FGF13: variants seen among roughly 807,000 people sequenced by gnomAD.
The protein encoded by FGF13 is fibroblast growth factor 13.
In FGF13, 2 loss-of-function variants were observed where a neutral mutation model predicts 19.5. That is an observed-to-expected ratio of 0.10 (90% CI 0.04 to 0.32). FGF13 has a LOEUF of 0.32. Among genes scored for constraint, FGF13 ranks in the 10% least tolerant of loss-of-function variants. The pLI, the probability that FGF13 is intolerant of heterozygous loss-of-function variation, is 1.00. For synonymous variants in FGF13, 72 were observed against 76.9 expected (o/e 0.94, Z 0.33); for missense variants, 113 against 192.7 (o/e 0.59, Z 2.45).
chrX:138,927,573 C>T (rs1364732020), intron 1 of FGF13, among the ~76,000 whole-genome samples: 1 of 112,408 alleles, frequency 8.9e-6, no homozygotes, highest in Non-Finnish European at 1.9e-5. Context: ...CTAATTTCTT[C>T]TTGAATTCCC....
At chrX:138,980,787 T>A (rs1256556895) in intron 1 of FGF13, among the ~76,000 whole-genome samples, 1 of 110,072 alleles carries the variant, frequency 9.1e-6, no homozygotes, top group Admixed American at 9.7e-5. Context: ...AGGGTTTGCT[T>A]GTAGATGCCC....
In FGF13 at chrX:138,630,558, T is replaced by G. The variant is rs1346113924; in HGVS notation, c.*2292A>C. On this transcript the variant is annotated 3_prime_UTR_variant, in exon 5 of 5. Coordinates refer to ENST00000315930, the MANE Select transcript of FGF13 (RefSeq NM_004114.5). ...GATGAAGCAGGATGAGGAGGACTTA[T>G]CTCATGAAATTACAAGGTGACTTAG... 2 of 109,619 alleles carry G rather than the reference T, an allele frequency of 1.8e-5. No homozygotes were observed. The highest frequency in any genetic ancestry group is 4.0e-4 in the South Asian group (1 of 2,483). The allele number at this position is 109,619 out of a possible 1,213,427, so 9.0% of individuals were successfully genotyped here.
At chrX:138,986,547 A>T (rs1195421128) in intron 1 of FGF13, among the ~76,000 whole-genome samples, 1 of 111,960 alleles carries the variant, frequency 8.9e-6, no homozygotes, top group Non-Finnish European at 1.9e-5. Flanking sequence ...TTTTCCCACA[A>T]AATGGCAACA....
At chrX:138,960,803 C>A (rs757882763) in intron 1 of FGF13, among the ~76,000 whole-genome samples, 1 of 111,889 alleles carries the variant, frequency 8.9e-6, no homozygotes, top group South Asian at 3.8e-4. Flanking sequence ...ATCGAATCAG[C>A]TACTGAAGCT....
At chrX:138,813,984 A>T (rs2090943959) in intron 3 of FGF13, among the ~76,000 whole-genome samples, 1 of 110,368 alleles carries the variant, frequency 9.1e-6, no homozygotes, top group South Asian at 3.8e-4. Flanking sequence ...ACATATGCAC[A>T]TGTTCTGCTT....
chrX:138,772,018 G>GTGTATATATA (rs1271115343), intron 3 of FGF13, among the ~76,000 whole-genome samples: 7 of 56,520 alleles, frequency 1.2e-4, no homozygotes, highest in African/African-American at 3.4e-4. Context: ...ATACATATGT[G>GTGTATATATA]TATATATATA....
intron 1 of FGF13, among the ~76,000 whole-genome samples, chrX:138,886,407 T>G (rs2091451982): frequency 8.9e-6 from 1 of 112,619 alleles, no homozygotes; most frequent in South Asian, 3.6e-4. Context: ...GGAGTCAGTC[T>G]TTTGAATCTG....
chrX:138,805,587 A>G (rs2090860381), intron 3 of FGF13, among the ~76,000 whole-genome samples: 1 of 112,041 alleles, frequency 8.9e-6, no homozygotes, highest in Non-Finnish European at 1.9e-5. Flanking sequence ...TTGGAATGAG[A>G]AACAAAAATT....
At chrX:139,067,494 C>T (rs1170737373) in intron 1 of FGF13, among the ~76,000 whole-genome samples, 1 of 111,505 alleles carries the variant, frequency 9.0e-6, no homozygotes, top group Non-Finnish European at 1.9e-5. Context: ...CAATAATAGA[C>T]AAACAGAGAG....
In FGF13 at chrX:138,753,508, G is replaced by A. The variant is rs978683648; in HGVS notation, c.218-44580C>T. Among the ~76,000 whole-genome samples the A allele has an allele frequency of 4.5e-5, 5 of 111,975 alleles. No homozygotes were observed. The Admixed American group carries it at 4.7e-4, about 11-fold the overall frequency. On this transcript the variant is annotated intron_variant, in intron 3 of 6. Transcript: ENST00000436198. ...TACCTTATCAGTGTACTGGAGTTCT[G>A]AAAGAGACTAATTCAGTTGAAAATA...
chrX:138,767,524 G>A (rs2090511120), intron 3 of FGF13, among the ~76,000 whole-genome samples: 1 of 111,799 alleles, frequency 8.9e-6, no homozygotes, highest in African/African-American at 3.3e-5. Context: ...ATCATCAGTA[G>A]TAACTGATGT....
chrX:139,006,221 C>T (rs77853287), intron 1 of FGF13, among the ~76,000 whole-genome samples: 3 of 111,409 alleles, frequency 2.7e-5, no homozygotes, highest in Non-Finnish European at 5.7e-5. Flanking sequence ...AGCTCCAATA[C>T]GTCTGGCAGC....
Position 139,014,486 on chromosome X carries a change from C to G in FGF13, c.-112-149836G>C, listed in dbSNP as rs747178229. ...ACTATATTCCAATAAATTGGAAAAT[C>G]TAGAATAAATGAATCAATTCCTAGA... On this transcript the variant is annotated intron_variant, in intron 1 of 2. Coordinates refer to the FGF13 transcript ENST00000421460. Among the ~76,000 whole-genome samples the G allele has an allele frequency of 1.3e-4, 14 of 111,189 alleles. No individual in the cohort carries two copies. The South Asian group carries it at 4.5e-3, about 35-fold the overall frequency.
At chrX:139,027,124 C>A (rs1294498662) in intron 1 of FGF13, among the ~76,000 whole-genome samples, 1 of 112,027 alleles carries the variant, frequency 8.9e-6, no homozygotes, top group Non-Finnish European at 1.9e-5. Flanking sequence ...TACACATATC[C>A]ATTGCATCTC....
intron 1 of FGF13, among the ~76,000 whole-genome samples, chrX:138,988,888 C>G (rs904771798): frequency 8.9e-6 from 1 of 111,882 alleles, no homozygotes; most frequent in Admixed American, 9.5e-5. Context: ...AATTTTTATA[C>G]TTCATTTTCT....
At chrX:139,168,304 C>T (rs752751037) in intron 1 of FGF13, among the ~76,000 whole-genome samples, 1 of 111,890 alleles carries the variant, frequency 8.9e-6, no homozygotes, top group African/African-American at 3.2e-5. Flanking sequence ...ACCTAACTCT[C>T]TTTCTACCTA....
At chrX:138,844,502 G>C (rs1602947604) in intron 3 of FGF13, among the ~76,000 whole-genome samples, 1 of 111,653 alleles carries the variant, frequency 9.0e-6, no homozygotes, top group Admixed American at 9.6e-5. Context: ...AAGAGCGTGA[G>C]AGGCAGAGAC....
intron 1 of FGF13, among the ~76,000 whole-genome samples, chrX:139,146,303 G>A (rs2083888725): frequency 8.9e-6 from 1 of 111,806 alleles, no homozygotes; most frequent in Non-Finnish European, 1.9e-5. Flanking sequence ...TCAAAAAGTG[G>A]ACAAAGGATA....
chrX:138,988,520 T>C (rs1342570604), intron 1 of FGF13, among the ~76,000 whole-genome samples: 1 of 112,316 alleles, frequency 8.9e-6, no homozygotes, highest in Non-Finnish European at 1.9e-5. Flanking sequence ...TTTGTTACTA[T>C]TTTTCTAAAA....
Sources: gnomAD v4.1 joint callset for allele counts (sites outside exome capture counted in the v4.1 genomes callset) on GRCh38, gnomAD v4.1.1 for gene constraint, MANE v1.5 for transcripts, NCBI Gene and HGNC (gene_info 2026-07-23, HGNC 2026-07-21) for gene names.